Variants in TRUB2 observed in about 807,000 individuals in gnomAD.
TRUB2 encodes the protein pseudouridylate synthase TRUB2, mitochondrial.
A neutral mutation model predicts 31.9 loss-of-function variants in TRUB2; 31 were observed. The ratio of observed to expected loss-of-function variants is 0.97; its 90% CI spans 0.73 to 1.31. TRUB2 has a LOEUF of 1.31. TRUB2 is among the 50% of genes most tolerant of loss of function. The probability of loss-of-function intolerance (pLI) is 0.00; values close to 1 mark genes in which losing one functional copy is unlikely to be tolerated. For synonymous variants in TRUB2, 201 were observed against 182.6 expected, an observed-to-expected ratio of 1.10 and a Z score of -0.81; for missense variants, 451 against 439.6, an observed-to-expected ratio of 1.03 and a Z score of -0.23.
intron 2 of TRUB2, among the ~76,000 whole-genome samples, chr9:128,320,559 C>A (rs941228549): frequency 1.3e-5 from 2 of 150,312 alleles, no homozygotes; most frequent in African/African-American, 4.9e-5. Context: ...CTCGAACTCC[C>A]GACCTCAGGT....
At position 128,317,374 on chromosome 9, in the gene TRUB2, C is replaced by A. The variant is rs577772945; in HGVS notation, c.242-148G>T. 731 of 732,926 alleles carry A rather than the reference C, an allele frequency of 1.0e-3. 4 individuals are homozygous for A. The highest frequency in any genetic ancestry group is 4.5e-3 in the South Asian group (261 of 58,076). The allele number at this position is 732,926 out of a possible 1,614,324, so 45.4% of individuals were successfully genotyped here. ...CTCTCAGGCTTCCCCGTCATGGAAT[C>A]TGGGACCCTGAACTGTATCCTCAGT... On this transcript the variant is annotated intron_variant, in intron 2 of 7. Coordinates refer to ENST00000372890, the MANE Select transcript of TRUB2 (RefSeq NM_015679.3).
chr9:128,311,457 A>AG, intron 6 of TRUB2, 72 bp downstream of exon 6: 1 of 1,453,300 alleles, frequency 6.9e-7, no homozygotes, highest in Non-Finnish European at 9.7e-7. Flanking sequence ...AATCTGCCCC[A>AG]GGTTTGGGGG....
At chr9:128,313,957 A>C in intron 4 of TRUB2, 68 bp from the exon 5 acceptor site, 1 of 1,476,466 alleles carries the variant, frequency 6.8e-7, no homozygotes, top group Non-Finnish European at 9.4e-7. Flanking sequence ...CCTGCCCCAG[A>C]AGCTGGGGGT....
intron 7 of TRUB2, among the ~76,000 whole-genome samples, chr9:128,310,416 T>C (rs1268901308): frequency 6.6e-6 from 1 of 151,576 alleles, no homozygotes; most frequent in South Asian, 2.1e-4. Flanking sequence ...GTTATTAAGA[T>C]GTTATCTTAA....
chr9:128,310,748 C>A lies in TRUB2; in HGVS notation c.670+139G>T, dbSNP rs1354843606. Reference sequence around the variant, plus strand: ...CTGGGAAGGAAGTCGGCACCTGATGCCTTGGCCCGCAGAGATCAGGGCCGG... The same window carrying A: ...CTGGGAAGGAAGTCGGCACCTGATGACTTGGCCCGCAGAGATCAGGGCCGG... On this transcript the variant is annotated intron_variant, in intron 7 of 7. Transcript: ENST00000372890. 6.7e-6 allele frequency: 8 copies of A among 1,198,328 alleles called. No individual in the cohort carries two copies. The African/African-American group carries it at 1.2e-4, about 18-fold the overall frequency. 74.2% of individuals were successfully genotyped at this position (1,198,328 alleles called of 1,614,324 possible).
chr9:128,312,489 G>C (rs1407727845), intron 5 of TRUB2, among the ~76,000 whole-genome samples: 1 of 151,710 alleles, frequency 6.6e-6, no homozygotes, highest in Non-Finnish European at 1.5e-5. Context: ...GGAGTGCAGT[G>C]GTGAGATCTC....
intron 6 of TRUB2, 139 bp from the exon 7 acceptor site, chr9:128,311,162 A>G: frequency 8.4e-7 from 1 of 1,185,134 alleles, no homozygotes; most frequent in South Asian, 1.5e-5. Context: ...GCCCTCCTTC[A>G]TCACCAGGTG....
chr9:128,317,681 T>C lies in TRUB2; in HGVS notation c.242-455A>G, dbSNP rs144635976. 2.2e-4 allele frequency among the ~76,000 whole-genome samples: 33 copies of C among 152,224 alleles called. No homozygotes were observed. The East Asian group carries it at 5.4e-3, about 25-fold the overall frequency. ...TTACACTTCTACAGATTAAGAGGAATCTAGGGGAAGAGTCCAGGGTAGTTA... is the reference window on the plus strand; with the variant it reads ...TTACACTTCTACAGATTAAGAGGAACCTAGGGGAAGAGTCCAGGGTAGTTA... On this transcript the variant is annotated intron_variant, in intron 2 of 7. Transcript: ENST00000372890.
intron 1 of TRUB2, 53 bp downstream of exon 1, chr9:128,322,247 T>G (rs928707950): frequency 6.7e-6 from 10 of 1,499,222 alleles, no homozygotes; most frequent in Non-Finnish European, 9.3e-6. Context: ...GAAGCGGAGA[T>G]GGACTTCCAA....
chr9:128,321,911 C>T (rs542570452), intron 1 of TRUB2, among the ~76,000 whole-genome samples, 181 bp from the exon 2 acceptor site: 2 of 152,304 alleles, frequency 1.3e-5, no homozygotes, highest in African/African-American at 4.8e-5. Flanking sequence ...TCCAGAGTAG[C>T]TGGGATTACA....
chr9:128,315,609 T>G lies in TRUB2; in HGVS notation c.336A>C (p.Gly112=). 1 of 1,613,458 alleles carries G rather than the reference T, an allele frequency of 6.2e-7. No homozygotes were observed. The highest frequency in any genetic ancestry group is 8.5e-7 in the Non-Finnish European group (1 of 1,179,800). The change falls in exon 4 of 8, where the codon GGA becomes GGC. Residue 112 remains glycine (G), a synonymous_variant. Transcript: ENST00000372890. ...TGTACATATCGGTGAGGAGCCTGCA[T>G]CCATGTCCCACGCCGAGCACTGAAA... The part of the protein sequence containing the change: ...SGVLVLGVGH[G]CRLLTDMYNA...
At chr9:128,317,056 G>A (rs531416217) in intron 3 of TRUB2, 96 bp downstream of exon 3, 10 of 1,092,550 alleles carry the variant, frequency 9.2e-6, no homozygotes, top group South Asian at 4.3e-5. Context: ...GTGGTGGGAC[G>A]TGGGTGCCAG....
At chr9:128,319,847 G>A (rs1832131831) in intron 2 of TRUB2, among the ~76,000 whole-genome samples, 1 of 151,688 alleles carries the variant, frequency 6.6e-6, no homozygotes, top group Non-Finnish European at 1.5e-5. Context: ...TTGAACTCCT[G>A]ACCTCAAGTG....
Position 128,309,846 on chromosome 9 carries a change from C to A in TRUB2, c.700G>T (p.Glu234Ter). 6.2e-7 allele frequency: 1 copy of A among 1,614,162 alleles called. No homozygotes were observed. Among genetic ancestry groups the A allele is most frequent in the Non-Finnish European group, 8.5e-7 (1 of 1,180,006 alleles). Residue 234 changes from glutamate (E) to a stop codon, truncating the protein, a stop_gained, in exon 8 of 8, where the codon GAG becomes TAG. Coordinates refer to ENST00000372890, the MANE Select transcript of TRUB2 (RefSeq NM_015679.3). LOFTEE classifies it high-confidence loss of function. ...ATTTCATGAACCAACTTCCGCAGCT[C>A]TTTCTGCGTCTCATGCATGCACTGC... is the stretch of plus-strand genomic sequence containing the variant. ...EVQCMHETQK[E>*]LRKLVHEIGL...
At position 128,317,165 on chromosome 9, in the gene TRUB2, AG is replaced by A. The variant is rs1832083265; in HGVS notation, c.302del (p.Ala101ValfsTer48). ...VGVGHRLDAQ[A>X]SGVLVLGVGH... ...CACATCACCTACCAAGTACTCCAGA[AG>A]CCTGGGCATCCAACCGATGTCCCAC... On this transcript the variant is annotated frameshift_variant, in exon 3 of 8. Coordinates refer to ENST00000372890, the MANE Select transcript of TRUB2 (RefSeq NM_015679.3). LOFTEE classifies it high-confidence loss of function. 6.3e-7 allele frequency: 1 copy of A among 1,584,370 alleles called. No individual in the cohort carries two copies. The highest frequency in any genetic ancestry group is 8.6e-7 in the Non-Finnish European group (1 of 1,163,238).
intron 7 of TRUB2, among the ~76,000 whole-genome samples, chr9:128,310,378 T>A (rs1831946788): frequency 6.6e-6 from 1 of 151,864 alleles, no homozygotes; most frequent in African/African-American, 2.4e-5. Flanking sequence ...AAATCATTTA[T>A]AGAAAGATAA....
chr9:128,321,208 C>T (rs955827483), intron 2 of TRUB2, among the ~76,000 whole-genome samples: 22 of 152,284 alleles, frequency 1.4e-4, no homozygotes, highest in African/African-American at 5.3e-4. Flanking sequence ...TTCCCAAATA[C>T]TGCCAATCTG....
intron 6 of TRUB2, 65 bp from the exon 7 acceptor site, chr9:128,311,088 T>C (rs943765486): frequency 1.3e-6 from 2 of 1,586,930 alleles, no homozygotes; most frequent in Non-Finnish European, 1.7e-6. Flanking sequence ...ATGAGGTGCC[T>C]CTCTGGAAGC....
At chr9:128,320,539 C>T (rs1211653919) in intron 2 of TRUB2, among the ~76,000 whole-genome samples, 1 of 152,024 alleles carries the variant, frequency 6.6e-6, no homozygotes, top group African/African-American at 2.4e-5. Flanking sequence ...TCCATGTTGG[C>T]CAGGCTGGTC....
Sources: gnomAD v4.1 joint callset for allele counts (sites outside exome capture counted in the v4.1 genomes callset) on GRCh38, gnomAD v4.1.1 for gene constraint, MANE v1.5 for transcripts, NCBI Gene and HGNC (gene_info 2026-07-23, HGNC 2026-07-21) for gene names.